The following FRMD4A variants were observed in gnomAD, a reference collection of about 807,000 sequenced individuals.
The protein encoded by FRMD4A is FERM domain-containing protein 4A.
In FRMD4A, 29 loss-of-function variants were observed where a neutral mutation model predicts 129.1. The observed-to-expected ratio is 0.22, with a 90% confidence interval of 0.17 to 0.31. The LOEUF (loss-of-function observed/expected upper bound fraction) is 0.31. Among genes scored for constraint, FRMD4A ranks in the 10% least tolerant of loss-of-function variants. The probability of loss-of-function intolerance (pLI) is 1.00; values close to 1 mark genes in which losing one functional copy is unlikely to be tolerated. For synonymous variants in FRMD4A, 634 were observed against 571.6 expected, an observed-to-expected ratio of 1.11 and a Z score of -1.56; for missense variants, 1,272 against 1,375.8, an observed-to-expected ratio of 0.92 and a Z score of 1.19.
intron 2 of FRMD4A, among the ~76,000 whole-genome samples, chr10:13,884,152 ACTCT>A (rs375940506): frequency 0.023 from 534 of 23,224 alleles, 15 homozygotes; most frequent in Admixed American, 0.1. Flanking sequence ...ACTCTCACAC[ACTCT>A]CACACACACA....
intron 12 of FRMD4A, 36 bp from the exon 13 acceptor site, chr10:13,707,149 G>C (rs2087541358): frequency 8.4e-7 from 1 of 1,195,102 alleles, no homozygotes; most frequent in South Asian, 1.2e-5. Flanking sequence ...AACTCAGGAG[G>C]GGCTGGCTCC....
intron 2 of FRMD4A, among the ~76,000 whole-genome samples, chr10:14,127,952 T>TTCTTTCTTTCTTTCTTTCTTTCTC: frequency 4.3e-5 from 1 of 23,060 alleles, no homozygotes; most frequent in African/African-American, 2.7e-4. Context: ...CTTTCTTTCT[T>TTCTTTCTTTCTTTCTTTCTTTCTC]TCTTTCTTTC....
At chr10:13,818,303 A>C (rs2093577305) in intron 3 of FRMD4A, among the ~76,000 whole-genome samples, 1 of 152,038 alleles carries the variant, frequency 6.6e-6, no homozygotes, top group Non-Finnish European at 1.5e-5. Context: ...GGGGGGGACT[A>C]CAGGTATGTA....
intron 2 of FRMD4A, among the ~76,000 whole-genome samples, chr10:13,924,320 C>A (rs1342000028): frequency 1.3e-5 from 2 of 152,120 alleles, no homozygotes; most frequent in Non-Finnish European, 2.9e-5. Flanking sequence ...AGAGTAAAAG[C>A]CAAAGTGCAT....
At chr10:14,225,631 G>A (rs1843408929) in intron 2 of FRMD4A, among the ~76,000 whole-genome samples, 1 of 152,182 alleles carries the variant, frequency 6.6e-6, no homozygotes, top group Non-Finnish European at 1.5e-5. Context: ...CGATTGTGAG[G>A]AACACATCAG....
intron 2 of FRMD4A, among the ~76,000 whole-genome samples, chr10:13,889,395 G>C (rs2094667758): frequency 6.6e-6 from 1 of 152,132 alleles, no homozygotes; most frequent in African/African-American, 2.4e-5. Context: ...TTGACCTCAG[G>C]CTATAACTTC....
At chr10:13,859,382 T>C (rs898282625) in intron 2 of FRMD4A, among the ~76,000 whole-genome samples, 1 of 152,006 alleles carries the variant, frequency 6.6e-6, no homozygotes, top group Non-Finnish European at 1.5e-5. Context: ...AAAACTCCCT[T>C]TCAAAAAAAA....
At chr10:14,328,910 C>T (rs535601256) in intron 2 of FRMD4A, among the ~76,000 whole-genome samples, 1 of 152,164 alleles carries the variant, frequency 6.6e-6, no homozygotes, top group Non-Finnish European at 1.5e-5. Context: ...AATTTCATTT[C>T]TTCTAGTCCT....
At chr10:13,740,426 T>G in intron 10 of FRMD4A, 86 bp downstream of exon 10, 1 of 932,192 alleles carries the variant, frequency 1.1e-6, no homozygotes. Context: ...AGATATGTCT[T>G]TGGAGAGGAA....
chr10:13,663,301 G>A, intron 19 of FRMD4A, 152 bp downstream of exon 19: 1 of 524,732 alleles, frequency 1.9e-6, no homozygotes, highest in Non-Finnish European at 3.4e-6. Flanking sequence ...AACCAAAGAG[G>A]TGAATACTGG....
chr10:13,707,011 G>A (rs570392700), intron 13 of FRMD4A, 26 bp downstream of exon 13: 12 of 1,269,470 alleles, frequency 9.5e-6, no homozygotes, highest in Admixed American at 1.7e-5. Context: ...ACGCCATCCC[G>A]CAAGAAAAGG....
intron 2 of FRMD4A, among the ~76,000 whole-genome samples, chr10:14,190,159 G>A (rs1842273789): frequency 6.6e-6 from 1 of 152,162 alleles, no homozygotes; most frequent in East Asian, 1.9e-4. Context: ...AAAAACTGTG[G>A]AACAGATTCT....
Position 13,643,883 on chromosome 10 carries a change from G to T in FRMD4A, c.*3155C>A, listed in dbSNP as rs973834461. ...ATTGATTACAGTTGAACAGAATCCA[G>T]TAAAATCATTTTACATGCTCTACAG... On this transcript the variant is annotated 3_prime_UTR_variant, in exon 25 of 25. Transcript: ENST00000357447. 6.6e-6 allele frequency: 1 copy of T among 152,586 alleles called. No individual in the cohort carries two copies. The highest frequency in any genetic ancestry group is 2.4e-5 in the African/African-American group (1 of 41,432). The allele number at this position is 152,586 out of a possible 1,614,324, so 9.5% of individuals were successfully genotyped here. A position where few individuals can be genotyped will look rare whatever the true frequency, so the allele number is the denominator to read the frequency against.
At chr10:14,008,771 A>C (rs2292367) in intron 2 of FRMD4A, among the ~76,000 whole-genome samples, 30,650 of 152,156 alleles carry the variant, frequency 0.2, 3,512 homozygotes, top group East Asian at 0.45. Context: ...GACCTCTTTG[A>C]AATCATAAAT....
chr10:14,156,426 A>G (rs1365037614), intron 2 of FRMD4A, among the ~76,000 whole-genome samples: 3 of 152,260 alleles, frequency 2.0e-5, no homozygotes, highest in African/African-American at 7.2e-5. Context: ...ACACTTAGAT[A>G]TCATCTCTTG....
chr10:14,258,739 G>A (rs1018750241), intron 2 of FRMD4A, among the ~76,000 whole-genome samples: 3 of 152,182 alleles, frequency 2.0e-5, no homozygotes, highest in Admixed American at 6.5e-5. Flanking sequence ...TGTTTTATTT[G>A]TGATAGCCAA....
At chr10:13,884,140 ACACT>A (rs752088525) in intron 2 of FRMD4A, among the ~76,000 whole-genome samples, 23,612 of 63,582 alleles carry the variant, frequency 0.37, 3,243 homozygotes, top group Non-Finnish European at 0.41. Flanking sequence ...ACGCTCACAC[ACACT>A]CTCACACACT....
intron 2 of FRMD4A, among the ~76,000 whole-genome samples, chr10:13,920,544 G>T (rs2095059579): frequency 6.6e-6 from 1 of 152,166 alleles, no homozygotes; most frequent in Non-Finnish European, 1.5e-5. Flanking sequence ...GTACAAATTT[G>T]GGCATTGTGT....
intron 2 of FRMD4A, among the ~76,000 whole-genome samples, chr10:13,901,563 C>A (rs1201653542): frequency 6.8e-6 from 1 of 147,510 alleles, no homozygotes; most frequent in African/African-American, 2.5e-5. Flanking sequence ...GAGCTGAGAT[C>A]ATGCCACTGC....
Sources: allele counts gnomAD v4.1 joint callset (sites outside exome capture counted in the v4.1 genomes callset), GRCh38; gene constraint gnomAD v4.1.1; transcripts MANE v1.5; gene names NCBI Gene and HGNC (gene_info 2026-07-23, HGNC 2026-07-21).